GDAP1: variants seen among roughly 807,000 people sequenced by gnomAD.
The protein encoded by GDAP1 is ganglioside induced differentiation associated protein 1.
Under a neutral mutation model 40.1 loss-of-function variants are expected in GDAP1, and 34 were observed. That is an observed-to-expected ratio of 0.85 (90% CI 0.64 to 1.13). The LOEUF is 1.13. Among genes scored for constraint, GDAP1 ranks in the 50% most tolerant of loss-of-function variants. GDAP1 has a pLI of 0.00. For synonymous variants in GDAP1, 170 were observed against 157.4 expected (o/e 1.08, Z -0.60); for missense variants, 374 against 433.7 (o/e 0.86, Z 1.22).
At chr8:74,446,815 G>A (rs140317459) in intron 2 of GDAP1, among the ~76,000 whole-genome samples, 25 of 152,234 alleles carry the variant, frequency 1.6e-4, no homozygotes, top group African/African-American at 5.5e-4. Context: ...ATAAAAGACC[G>A]TGTAACACAT....
intron 2 of GDAP1, among the ~76,000 whole-genome samples, chr8:74,399,033 G>C (rs564874188): frequency 2.0e-5 from 3 of 151,924 alleles, no homozygotes; most frequent in Non-Finnish European, 4.4e-5. Context: ...GTCTCTGCCC[G>C]GCTTTGGTGT....
In GDAP1 at chr8:74,365,217, C is replaced by A. The variant is rs757081123; in HGVS notation, c.*850C>A. On this transcript the variant is annotated 3_prime_UTR_variant, in exon 6 of 6. Transcript: ENST00000220822. ...ATGATCTGGGAGCACCAAATATGTT[C>A]ATTCTTCGTTTGGGGAGGCTGGTCT... The A allele has an allele frequency of 4.2e-5, 19 of 453,938 alleles. No homozygotes were observed. The highest frequency in any genetic ancestry group is 2.9e-4 in the South Asian group (19 of 64,474). The allele number at this position is 453,938 out of a possible 1,614,324, so 28.1% of individuals were successfully genotyped here.
chr8:74,421,534 G>A (rs757312829), intron 2 of GDAP1, among the ~76,000 whole-genome samples: 6 of 152,136 alleles, frequency 3.9e-5, no homozygotes, highest in East Asian at 1.9e-4. Context: ...AACCTGAAGA[G>A]CTAAGATTCT....
chr8:74,421,432 C>T (rs985713926), intron 2 of GDAP1, among the ~76,000 whole-genome samples: 1 of 151,964 alleles, frequency 6.6e-6, no homozygotes, highest in Non-Finnish European at 1.5e-5. Flanking sequence ...GTATTGGCTC[C>T]CACACAAGTA....
intron 2 of GDAP1, among the ~76,000 whole-genome samples, chr8:74,389,310 G>C (rs1293329253): frequency 6.6e-6 from 1 of 152,134 alleles, no homozygotes; most frequent in Non-Finnish European, 1.5e-5. Context: ...GCAGTGGCTG[G>C]TACTGGTTTT....
chr8:74,371,925 C>G (rs1220287513), intron 2 of GDAP1, among the ~76,000 whole-genome samples: 1 of 148,958 alleles, frequency 6.7e-6, no homozygotes, highest in Non-Finnish European at 1.5e-5. Flanking sequence ...CCTCCCCCCC[C>G]ACCCCATGAC....
intron 2 of GDAP1, among the ~76,000 whole-genome samples, chr8:74,481,053 A>G (rs561977416): frequency 3.3e-5 from 5 of 152,362 alleles, no homozygotes; most frequent in African/African-American, 1.2e-4. Flanking sequence ...TAAATGATTT[A>G]ATCCTTATAA....
Position 74,434,833 on chromosome 8 carries a change from CA to C in GDAP1, c.166-53838del, listed in dbSNP as rs910482026. ...CATAGAAGTTTAAGGAGACTTTATACAAAAAAAGTGCTCATCTTCCAACAGA... is the reference window on the plus strand; with the variant it reads ...CATAGAAGTTTAAGGAGACTTTATACAAAAAAGTGCTCATCTTCCAACAGA... On this transcript the variant is annotated intron_variant, in intron 2 of 2. Coordinates refer to the GDAP1 transcript ENST00000523640. 2.8e-4 allele frequency among the ~76,000 whole-genome samples: 43 copies of C among 152,018 alleles called. 2 individuals are homozygous for C. The highest frequency in any genetic ancestry group is 2.1e-4 in the South Asian group (1 of 4,830).
At chr8:74,401,602 G>A (rs1169505078) in intron 2 of GDAP1, among the ~76,000 whole-genome samples, 1 of 132,576 alleles carries the variant, frequency 7.5e-6, no homozygotes, top group East Asian at 2.1e-4. Context: ...GTGAGGAAAT[G>A]CGTTCCTTTG....
intron 2 of GDAP1, among the ~76,000 whole-genome samples, chr8:74,418,243 G>C (rs1805809808): frequency 6.6e-6 from 1 of 152,222 alleles, no homozygotes; most frequent in Admixed American, 6.5e-5. Flanking sequence ...ATTGGCTAAA[G>C]AGAAGACCAA....
Position 74,373,184 on chromosome 8 carries a change from G to A in GDAP1, c.165+21863G>A, listed in dbSNP as rs974266703. On this transcript the variant is annotated intron_variant, in intron 2 of 2. Transcript: ENST00000523640. ...GCCTTGTAGTATAGTTTGAAGTCAGGTAGCATGATGCCTCCAGCTTTGTTC... is the reference window on the plus strand; with the variant it reads ...GCCTTGTAGTATAGTTTGAAGTCAGATAGCATGATGCCTCCAGCTTTGTTC... 3.1e-4 allele frequency among the ~76,000 whole-genome samples: 47 copies of A among 152,252 alleles called. 1 individual carries two copies. The highest frequency in any genetic ancestry group is 9.6e-4 in the African/African-American group (40 of 41,558).
chr8:74,414,068 C>G (rs543708751), intron 2 of GDAP1, among the ~76,000 whole-genome samples: 1 of 150,196 alleles, frequency 6.7e-6, no homozygotes, highest in South Asian at 2.1e-4. Flanking sequence ...CCAGGCAGAT[C>G]AGAATAGTAC....
At chr8:74,413,737 CATT>C (rs1301753264) in intron 2 of GDAP1, among the ~76,000 whole-genome samples, 4 of 140,338 alleles carry the variant, frequency 2.9e-5, no homozygotes, top group Non-Finnish European at 6.0e-5. Flanking sequence ...TTTTTTTCCT[CATT>C]GTGTCCTCTC....
At chr8:74,461,353 A>AT (rs946856185) in intron 2 of GDAP1, among the ~76,000 whole-genome samples, 3 of 152,182 alleles carry the variant, frequency 2.0e-5, no homozygotes, top group Admixed American at 6.5e-5. Flanking sequence ...AATGACCCTG[A>AT]TTTTTGCCAT....
chr8:74,401,997 CA>C (rs1242771017), intron 2 of GDAP1, among the ~76,000 whole-genome samples: 1 of 150,286 alleles, frequency 6.7e-6, no homozygotes, highest in Non-Finnish European at 1.5e-5. Flanking sequence ...GCTCAGGGGT[CA>C]GGGGTCAGGG....
intron 2 of GDAP1, among the ~76,000 whole-genome samples, chr8:74,387,786 A>G (rs1167060628): frequency 1.3e-5 from 2 of 152,160 alleles, no homozygotes; most frequent in Admixed American, 6.5e-5. Context: ...CCCTGGTAGA[A>G]TTCAGCTTTG....
In GDAP1 at chr8:74,364,439, G is replaced by C; in HGVS notation, c.*72G>C. On this transcript the variant is annotated 3_prime_UTR_variant, in exon 6 of 6. Transcript: ENST00000220822. ...ACCCTGTGATTGCCCGTGGCTCTCT[G>C]AGTCTGTCTTATTGAGTAGTTAGCA... The C allele has an allele frequency of 6.9e-7, 1 of 1,451,634 alleles. No homozygotes were observed. Among genetic ancestry groups the C allele is most frequent in the Non-Finnish European group, 9.6e-7 (1 of 1,042,562 alleles). The allele number at this position is 1,451,634 out of a possible 1,614,324, so 89.9% of individuals were successfully genotyped here. A position where few individuals can be genotyped will look rare whatever the true frequency, so the allele number is the denominator to read the frequency against.
intron 2 of GDAP1, among the ~76,000 whole-genome samples, chr8:74,449,216 A>G (rs559389556): frequency 1.0e-3 from 158 of 152,020 alleles, no homozygotes; most frequent in African/African-American, 3.8e-3. Flanking sequence ...GCTTATATTT[A>G]TGATCCTAAT....
intron 2 of GDAP1, among the ~76,000 whole-genome samples, chr8:74,356,867 A>G (rs898514154): frequency 4.0e-5 from 6 of 151,592 alleles, no homozygotes; most frequent in African/African-American, 1.5e-4. Flanking sequence ...GGCGCGCACC[A>G]CCACGCCCGG....
Sources: gnomAD v4.1 joint callset for allele counts (sites outside exome capture counted in the v4.1 genomes callset) on GRCh38, gnomAD v4.1.1 for gene constraint, MANE v1.5 for transcripts, NCBI Gene and HGNC (gene_info 2026-07-23, HGNC 2026-07-21) for gene names.